KDM3A: variants seen among roughly 807,000 people sequenced by gnomAD.
KDM3A encodes lysine-specific demethylase 3A.
In KDM3A, 60 loss-of-function variants were observed where a neutral mutation model predicts 158.0. The observed-to-expected ratio is 0.38, with a 90% confidence interval of 0.31 to 0.47. The LOEUF (loss-of-function observed/expected upper bound fraction) is 0.47. KDM3A is among the 20% of genes least tolerant of loss of function. The pLI is 0.99. For synonymous variants in KDM3A, 608 were observed against 549.3 expected, an observed-to-expected ratio of 1.11 and a Z score of -1.49; for missense variants, 1,319 against 1,574.3, an observed-to-expected ratio of 0.84 and a Z score of 2.74.
At chr2:86,488,890 A>T (rs1558633532) in intron 21 of KDM3A, 1 of 164,838 alleles carries the variant, frequency 6.1e-6, no homozygotes, top group Non-Finnish European at 1.3e-5. Flanking sequence ...GTTGGGCAGT[A>T]TTCCTTCTTA....
intron 11 of KDM3A, among the ~76,000 whole-genome samples, chr2:86,471,960 T>C (rs575404941): frequency 1.5e-4 from 23 of 152,326 alleles, no homozygotes; most frequent in African/African-American, 5.5e-4. Context: ...TTCATTTGTA[T>C]GTGTATGAAT....
chr2:86,444,454 T>TG (rs1342739410), intron 2 of KDM3A, among the ~76,000 whole-genome samples: 2 of 152,156 alleles, frequency 1.3e-5, no homozygotes, highest in East Asian at 1.9e-4. Flanking sequence ...ATGTTAAGTT[T>TG]GGGGGCCATG....
At chr2:86,460,103 A>G (rs1672864983) in intron 8 of KDM3A, among the ~76,000 whole-genome samples, 1 of 152,154 alleles carries the variant, frequency 6.6e-6, no homozygotes, top group Non-Finnish European at 1.5e-5. Flanking sequence ...TAGAATCATC[A>G]CTTGTAATCA....
chr2:86,439,461 T>C (rs1035489183), upstream of KDM3A, among the ~76,000 whole-genome samples: 4 of 152,098 alleles, frequency 2.6e-5, no homozygotes, highest in Non-Finnish European at 5.9e-5. Context: ...GAAACGGTTT[T>C]ATAACTTTTA....
At chr2:86,450,871 A>G (rs964344197) in intron 3 of KDM3A, among the ~76,000 whole-genome samples, 1 of 152,194 alleles carries the variant, frequency 6.6e-6, no homozygotes, top group Non-Finnish European at 1.5e-5. Context: ...GAATCTGTGA[A>G]CCCAGTCTTG....
At chr2:86,479,570 A>G (rs59255035) in intron 15 of KDM3A, 27,722 of 137,912 alleles carry the variant, frequency 0.2, 3,102 homozygotes, top group African/African-American at 0.31. Flanking sequence ...CCTGGACCAC[A>G]ACAGGGGTTT....
At chr2:86,467,623 T>G (rs1003055317) in intron 10 of KDM3A, among the ~76,000 whole-genome samples, 19 of 152,234 alleles carry the variant, frequency 1.2e-4, no homozygotes, top group African/African-American at 4.3e-4. Flanking sequence ...TTACTAGAGT[T>G]AGAAGAACAA....
At chr2:86,455,953 C>CAA (rs574299612) in intron 5 of KDM3A, among the ~76,000 whole-genome samples, 20 of 56,078 alleles carry the variant, frequency 3.6e-4, no homozygotes, top group East Asian at 9.8e-4. Context: ...GACCCTGTCT[C>CAA]AAAAAAAAAA....
intron 8 of KDM3A, among the ~76,000 whole-genome samples, chr2:86,459,977 G>A (rs1284420797): frequency 6.6e-6 from 1 of 152,176 alleles, no homozygotes; most frequent in East Asian, 1.9e-4. Context: ...TCATTCTAAA[G>A]GAAGTCGAAG....
At chr2:86,451,489 G>A (rs1672468126) in intron 4 of KDM3A, among the ~76,000 whole-genome samples, 1 of 152,124 alleles carries the variant, frequency 6.6e-6, no homozygotes, top group East Asian at 1.9e-4. Context: ...AAAAGAAAAT[G>A]TTATTAAAAT....
intron 10 of KDM3A, 31 bp from the exon 11 acceptor site, chr2:86,470,173 G>T (rs1438542502): frequency 1.9e-6 from 3 of 1,594,990 alleles, no homozygotes; most frequent in Non-Finnish European, 2.6e-6. Flanking sequence ...AAAATTTGAG[G>T]TCCTGTCTCC....
chr2:86,464,718 T>C (rs1206817541), intron 9 of KDM3A, among the ~76,000 whole-genome samples: 1 of 152,172 alleles, frequency 6.6e-6, no homozygotes, highest in Non-Finnish European at 1.5e-5. Context: ...AGAAAATGAG[T>C]ACGAAATGTA....
Position 86,466,902 on chromosome 2 carries a change from CTT to C in KDM3A, c.1519+21_1519+22del. ...CAGAATGGTGAGTGTTTCTCAATATCTTTATTGGTAGAAGGTAAGAAATGGTA... is the reference window on the plus strand; with the variant it reads ...CAGAATGGTGAGTGTTTCTCAATATCTATTGGTAGAAGGTAAGAAATGGTA... On this transcript the variant is annotated intron_variant, in intron 10 of 25. Coordinates refer to ENST00000312912, the MANE Select transcript of KDM3A (RefSeq NM_018433.6). The C allele has an allele frequency of 6.4e-7, 1 of 1,551,156 alleles. No individual in the cohort carries two copies.
At chr2:86,456,632 T>C (rs1417338202) in intron 6 of KDM3A, 66 bp downstream of exon 6, 2 of 1,487,350 alleles carry the variant, frequency 1.3e-6, no homozygotes, top group East Asian at 2.3e-5. Flanking sequence ...AAAGCATTTA[T>C]GATTTTCTAG....
chr2:86,491,979 C>A, intron 25 of KDM3A, 60 bp from the exon 26 acceptor site: 1 of 1,082,300 alleles, frequency 9.2e-7, no homozygotes, highest in Non-Finnish European at 1.4e-6. Context: ...GAAGCTTATT[C>A]TTAGTGACAG....
At chr2:86,475,029 A>G (rs765038185) in intron 12 of KDM3A, 39 bp downstream of exon 12, 9 of 1,547,210 alleles carry the variant, frequency 5.8e-6, no homozygotes, top group African/African-American at 5.5e-5. Context: ...TTCGAGCCCA[A>G]TTTGATTTTT....
At chr2:86,441,633 C>T (rs1682710693) in intron 1 of KDM3A, 189 bp downstream of exon 1, 1 of 150,638 alleles carries the variant, frequency 6.6e-6, no homozygotes, top group Non-Finnish European at 1.5e-5. Context: ...CCCACCCTCC[C>T]CCGTGGGGCC....
intron 2 of KDM3A, among the ~76,000 whole-genome samples, chr2:86,446,121 G>A (rs1013849009): frequency 6.6e-6 from 1 of 152,100 alleles, no homozygotes; most frequent in Non-Finnish European, 1.5e-5. Flanking sequence ...ATTTTCTGTT[G>A]GGGAAACATT....
rs115452262 is a variant in KDM3A at position 86,468,262 on chromosome 2, T to A, written c.1519+1379T>A. 3.4e-3 allele frequency among the ~76,000 whole-genome samples: 520 copies of A among 152,352 alleles called. 5 individuals are homozygous for A. The highest frequency in any genetic ancestry group is 0.012 in the African/African-American group (502 of 41,588). On this transcript the variant is annotated intron_variant, in intron 10 of 25. Transcript: ENST00000312912. ...TTGAGGCTTAAGTTAATATAGCTGT[T>A]AATTTGCATAAAATTAATTGCATAA... is the stretch of plus-strand genomic sequence containing the variant.
Sources: allele counts gnomAD v4.1 joint callset (sites outside exome capture counted in the v4.1 genomes callset), GRCh38; gene constraint gnomAD v4.1.1; transcripts MANE v1.5; gene names NCBI Gene and HGNC (gene_info 2026-07-23, HGNC 2026-07-21).